The following SLC44A5 variants were observed in gnomAD, a reference collection of about 807,000 sequenced individuals.
SLC44A5 encodes choline transporter-like protein 5.
A neutral mutation model predicts 101.8 loss-of-function variants in SLC44A5; 57 were observed. That is an observed-to-expected ratio of 0.56 (90% CI 0.45 to 0.70). The LOEUF (loss-of-function observed/expected upper bound fraction) is 0.70, where lower values mean the gene tolerates loss of function less well. Among genes scored for constraint, SLC44A5 ranks in the 30% least tolerant of loss-of-function variants. SLC44A5 has a pLI of 0.00. For missense variants in SLC44A5, 737 were observed against 853.1 expected, an observed-to-expected ratio of 0.86 and a Z score of 1.70; for synonymous variants, 281 against 290.9, an observed-to-expected ratio of 0.97 and a Z score of 0.35.
chr1:75,585,824 A>G (rs1673959902), intron 1 of SLC44A5, among the ~76,000 whole-genome samples: 1 of 152,180 alleles, frequency 6.6e-6, no homozygotes, highest in South Asian at 2.1e-4. Context: ...TGGGGGACTC[A>G]TAAAATACAA....
intron 2 of SLC44A5, among the ~76,000 whole-genome samples, chr1:75,441,608 A>C (rs997656051): frequency 1.3e-5 from 2 of 152,096 alleles, no homozygotes; most frequent in Non-Finnish European, 2.9e-5. Context: ...AAAAAAATAT[A>C]TTACCCAATT....
chr1:75,251,155 T>C lies in SLC44A5; in HGVS notation c.345+55A>G, dbSNP rs937082028. ...CTCAAATGGAATTTCTCAATTCTTTTATCCAAGAATGTTCAGAACGGCTGA... is the reference window on the plus strand; with the variant it reads ...CTCAAATGGAATTTCTCAATTCTTTCATCCAAGAATGTTCAGAACGGCTGA... On this transcript the variant is annotated intron_variant, in intron 7 of 23. Transcript: ENST00000370859. The C allele has an allele frequency of 5.9e-6, 8 of 1,366,290 alleles. No homozygotes were observed. The African/African-American group carries it at 1.0e-4, about 17-fold the overall frequency. 84.6% of individuals were successfully genotyped at this position (1,366,290 alleles called of 1,614,324 possible). A position where few individuals can be genotyped will look rare whatever the true frequency, so the allele number is the denominator to read the frequency against.
the SLC44A5 span, among the ~76,000 whole-genome samples, chr1:75,663,298 AC>A: frequency 6.6e-6 from 1 of 152,080 alleles, no homozygotes; most frequent in Non-Finnish European, 1.5e-5. Context: ...TATGAAAGGG[AC>A]CTCAGCATTC....
chr1:75,687,314 C>CT, the SLC44A5 span, among the ~76,000 whole-genome samples: 1 of 152,070 alleles, frequency 6.6e-6, no homozygotes, highest in Non-Finnish European at 1.5e-5. Context: ...TTCCAGAAAT[C>CT]TTTTTTTCAT....
the SLC44A5 span, among the ~76,000 whole-genome samples, chr1:75,638,303 G>A: frequency 5.9e-5 from 9 of 152,172 alleles, no homozygotes; most frequent in African/African-American, 2.2e-4. Flanking sequence ...AGAAGCATTT[G>A]TATGATTTAA....
At chr1:75,643,978 T>A in the SLC44A5 span, among the ~76,000 whole-genome samples, 1 of 152,236 alleles carries the variant, frequency 6.6e-6, no homozygotes, top group Non-Finnish European at 1.5e-5. Flanking sequence ...TCACTGGAGT[T>A]CATTCAGGGC....
intron 2 of SLC44A5, among the ~76,000 whole-genome samples, chr1:75,405,058 TA>T (rs1662755419): frequency 6.6e-6 from 1 of 152,160 alleles, no homozygotes; most frequent in Non-Finnish European, 1.5e-5. Flanking sequence ...TACTCTCTGA[TA>T]AAACAGACTT....
At chr1:75,516,207 C>T (rs1168191078) in intron 2 of SLC44A5, among the ~76,000 whole-genome samples, 1 of 152,104 alleles carries the variant, frequency 6.6e-6, no homozygotes, top group Non-Finnish European at 1.5e-5. Context: ...TATCTAAAGC[C>T]TGAGTTCCCA....
the SLC44A5 span, among the ~76,000 whole-genome samples, chr1:75,649,525 C>A: frequency 6.6e-6 from 1 of 152,008 alleles, no homozygotes; most frequent in Non-Finnish European, 1.5e-5. Context: ...ATTTAAGAAC[C>A]AGGAGACCTG....
At chr1:75,624,627 T>C in the SLC44A5 span, among the ~76,000 whole-genome samples, 2 of 152,166 alleles carry the variant, frequency 1.3e-5, no homozygotes, top group Admixed American at 1.3e-4. Flanking sequence ...GCCAAAGTCC[T>C]CTGAAACAAC....
intron 2 of SLC44A5, among the ~76,000 whole-genome samples, chr1:75,407,035 A>G (rs568937386): frequency 4.1e-4 from 63 of 152,294 alleles, no homozygotes; most frequent in African/African-American, 1.4e-3. Context: ...ATCAATGTGC[A>G]AAAATAACAA....
chr1:75,568,062 T>C (rs771237333), intron 1 of SLC44A5, among the ~76,000 whole-genome samples: 1 of 152,164 alleles, frequency 6.6e-6, no homozygotes, highest in Non-Finnish European at 1.5e-5. Context: ...GCCTAAGAAA[T>C]TGGCAATGTA....
At chr1:75,488,633 A>T (rs929070786) in intron 2 of SLC44A5, among the ~76,000 whole-genome samples, 1 of 152,168 alleles carries the variant, frequency 6.6e-6, no homozygotes. Flanking sequence ...GAGTCACTCA[A>T]TTGTGCATTA....
intron 6 of SLC44A5, among the ~76,000 whole-genome samples, chr1:75,265,967 C>T (rs1022637983): frequency 6.6e-6 from 1 of 152,140 alleles, no homozygotes. Flanking sequence ...AGCAACTTTC[C>T]CAGAGCTCAA....
At chr1:75,485,222 T>C (rs1668090607) in intron 2 of SLC44A5, among the ~76,000 whole-genome samples, 1 of 152,242 alleles carries the variant, frequency 6.6e-6, no homozygotes, top group South Asian at 2.1e-4. Context: ...TCTACTTCCC[T>C]TTTAAACATA....
intron 3 of SLC44A5, among the ~76,000 whole-genome samples, chr1:75,372,458 C>A (rs1660292357): frequency 6.6e-6 from 1 of 152,098 alleles, no homozygotes; most frequent in Non-Finnish European, 1.5e-5. Context: ...TAAAATACAA[C>A]TTTACCCAAG....
chr1:75,594,427 T>G (rs1674524924), intron 1 of SLC44A5, among the ~76,000 whole-genome samples: 1 of 152,174 alleles, frequency 6.6e-6, no homozygotes, highest in East Asian at 1.9e-4. Context: ...TACCCCATTT[T>G]GTATTATATT....
the SLC44A5 span, among the ~76,000 whole-genome samples, chr1:75,661,387 TAAAAAAAAAAAAA>T: frequency 1.7e-4 from 9 of 53,604 alleles, no homozygotes; most frequent in Non-Finnish European, 2.1e-4. Context: ...CTACTGCAAG[TAAAAAAAAAAAAA>T]AAAAAAAAAA....
chr1:75,328,081 A>G (rs573711195), intron 4 of SLC44A5, among the ~76,000 whole-genome samples: 57 of 152,332 alleles, frequency 3.7e-4, no homozygotes, highest in African/African-American at 1.4e-3. Flanking sequence ...CACAGAAACT[A>G]CCAGCTGCTT....
Sources: gnomAD v4.1 joint callset for allele counts (sites outside exome capture counted in the v4.1 genomes callset) on GRCh38, gnomAD v4.1.1 for gene constraint, MANE v1.5 for transcripts, NCBI Gene and HGNC (gene_info 2026-07-23, HGNC 2026-07-21) for gene names.